Variants in PDE4B observed in about 807,000 individuals in gnomAD.
PDE4B encodes 3',5'-cyclic-AMP phosphodiesterase 4B.
A neutral mutation model predicts 82.2 loss-of-function variants in PDE4B; 20 were observed. That is an observed-to-expected ratio of 0.24 (90% CI 0.17 to 0.35). The LOEUF (loss-of-function observed/expected upper bound fraction) is 0.35, where lower values mean the gene tolerates loss of function less well. Among genes scored for constraint, PDE4B ranks in the 10% least tolerant of loss-of-function variants. PDE4B has a pLI of 1.00. For missense variants in PDE4B, 655 were observed against 907.2 expected (o/e 0.72, Z 3.57); for synonymous variants, 320 against 318.9 (o/e 1.00, Z -0.04).
At chr1:66,186,166 G>C (rs1312569957) in intron 3 of PDE4B, among the ~76,000 whole-genome samples, 5 of 152,128 alleles carry the variant, frequency 3.3e-5, no homozygotes, top group Admixed American at 2.0e-4. Context: ...CATTATTTCT[G>C]AGGGCTCTTT....
rs182763774 is a variant in PDE4B at position 66,049,912 on chromosome 1, G to A, written c.281+131077G>A. 1.0e-3 allele frequency among the ~76,000 whole-genome samples: 152 copies of A among 152,018 alleles called. 1 individual carries two copies. The East Asian group carries it at 0.012, about 12-fold the overall frequency. ...TTAGAGATGAAAAAAATGTATTTAC[G>A]TTTCCCACACAACTGCTAGGAATTA... On this transcript the variant is annotated intron_variant, in intron 3 of 16. Transcript: ENST00000341517.
intron 2 of PDE4B, among the ~76,000 whole-genome samples, chr1:65,914,916 A>G (rs887175163): frequency 2.0e-5 from 3 of 152,200 alleles, no homozygotes; most frequent in African/African-American, 7.2e-5. Flanking sequence ...GTGACTATTA[A>G]GTATTAGTCT....
intron 1 of PDE4B, among the ~76,000 whole-genome samples, chr1:65,804,887 ATT>A (rs1290766489): frequency 7.0e-6 from 1 of 142,268 alleles, no homozygotes; most frequent in African/African-American, 2.6e-5. Context: ...AAATTCCTTA[ATT>A]AATAGACTTT....
chr1:65,849,248 G>A (rs1646302247), intron 1 of PDE4B, among the ~76,000 whole-genome samples: 1 of 152,176 alleles, frequency 6.6e-6, no homozygotes, highest in Non-Finnish European at 1.5e-5. Context: ...GAACTCACTG[G>A]AGAGATACTC....
intron 3 of PDE4B, among the ~76,000 whole-genome samples, chr1:66,206,532 C>T (rs927127940): frequency 7.9e-5 from 12 of 152,144 alleles, no homozygotes. Flanking sequence ...TGTATTACTT[C>T]CTATTTTAAA....
intron 3 of PDE4B, among the ~76,000 whole-genome samples, chr1:66,078,461 C>A (rs527838416): frequency 2.0e-5 from 3 of 152,176 alleles, no homozygotes; most frequent in East Asian, 3.9e-4. Flanking sequence ...CTGCCCACCT[C>A]GGTCTCCCAA....
intron 3 of PDE4B, among the ~76,000 whole-genome samples, chr1:66,151,911 CTA>C (rs1646401710): frequency 6.6e-6 from 1 of 152,150 alleles, no homozygotes; most frequent in Non-Finnish European, 1.5e-5. Flanking sequence ...TTGTACTTCT[CTA>C]TGTTTCTTAT....
chr1:65,838,617 ATATATATGTGTG>A (rs1474816503), intron 1 of PDE4B, among the ~76,000 whole-genome samples: 7 of 148,858 alleles, frequency 4.7e-5, no homozygotes, highest in Non-Finnish European at 1.5e-5. Flanking sequence ...GTATATGTGT[ATATATATGTGTG>A]TATATATATA....
chr1:66,186,003 A>G (rs937838502), intron 3 of PDE4B, among the ~76,000 whole-genome samples: 3 of 152,138 alleles, frequency 2.0e-5, no homozygotes, highest in Non-Finnish European at 4.4e-5. Flanking sequence ...ATCTTGAATT[A>G]ATTTTTGTAT....
chr1:66,108,141 G>A (rs930367767), intron 3 of PDE4B, among the ~76,000 whole-genome samples: 18 of 151,972 alleles, frequency 1.2e-4, no homozygotes, highest in African/African-American at 3.6e-4. Context: ...TCATCAGGCT[G>A]TGCAATAGAT....
intron 3 of PDE4B, among the ~76,000 whole-genome samples, chr1:66,199,453 T>C (rs1235011580): frequency 6.6e-6 from 1 of 151,810 alleles, no homozygotes; most frequent in African/African-American, 2.4e-5. Context: ...CTTTTTTTGT[T>C]TTGTTTGTTT....
At chr1:66,061,230 G>A (rs747982695) in intron 3 of PDE4B, among the ~76,000 whole-genome samples, 2 of 149,348 alleles carry the variant, frequency 1.3e-5, no homozygotes, top group Non-Finnish European at 3.0e-5. Context: ...ATTAAATAAT[G>A]TGACTTCACA....
chr1:66,141,141 A>C (rs1570328190), intron 3 of PDE4B, among the ~76,000 whole-genome samples: 1 of 151,772 alleles, frequency 6.6e-6, no homozygotes, highest in South Asian at 2.1e-4. Context: ...TTTACTCTTC[A>C]ATCATTTATT....
chr1:65,871,441 C>A (rs1327682062), intron 1 of PDE4B, among the ~76,000 whole-genome samples: 1 of 152,184 alleles, frequency 6.6e-6, no homozygotes, highest in African/African-American at 2.4e-5. Flanking sequence ...CCCTTACTAG[C>A]TTTGGGACCC....
intron 3 of PDE4B, among the ~76,000 whole-genome samples, chr1:66,188,228 A>C (rs951005713): frequency 1.3e-5 from 2 of 151,948 alleles, no homozygotes; most frequent in African/African-American, 4.8e-5. Flanking sequence ...GTTCTTTTAC[A>C]TTTGTTGAGG....
intron 3 of PDE4B, among the ~76,000 whole-genome samples, chr1:66,061,499 G>A (rs1211166858): frequency 3.3e-5 from 5 of 152,004 alleles, no homozygotes; most frequent in East Asian, 1.9e-4. Flanking sequence ...AGAGAAGATC[G>A]AATCATAAAG....
intron 1 of PDE4B, among the ~76,000 whole-genome samples, chr1:65,803,450 T>C (rs1048421900): frequency 3.9e-5 from 6 of 152,190 alleles, no homozygotes; most frequent in African/African-American, 1.4e-4. Flanking sequence ...TTGAGTGTGG[T>C]CTTCAATACA....
In PDE4B at chr1:66,081,822, CTCTCTCTCTCTG is replaced by C. The variant is rs1478085255; in HGVS notation, c.281+162989_281+163000del. On this transcript the variant is annotated intron_variant, in intron 3 of 16. Coordinates refer to ENST00000341517, the MANE Select transcript of PDE4B (RefSeq NM_002600.4). ...GAAAAGTAAAACTCTCTCTCTCTCT[CTCTCTCTCTCTG>C]TGTGTGTGTGTGTGTGTGTGTGTGT... is the stretch of plus-strand genomic sequence containing the variant. Among the ~76,000 whole-genome samples the C allele has an allele frequency of 2.6e-4, 33 of 128,250 alleles. 1 individual carries two copies. The highest frequency in any genetic ancestry group is 2.5e-3 in the South Asian group (8 of 3,142). The allele number at this position is 128,250 out of a possible 152,430, so 84.1% of individuals were successfully genotyped here. A position where few individuals can be genotyped will look rare whatever the true frequency, so the allele number is the denominator to read the frequency against.
intron 1 of PDE4B, among the ~76,000 whole-genome samples, chr1:65,832,179 G>A (rs1024480602): frequency 6.6e-6 from 1 of 152,130 alleles, no homozygotes; most frequent in Non-Finnish European, 1.5e-5. Flanking sequence ...AAATTTTTAT[G>A]AAGATTCTGA....
Sources: allele counts gnomAD v4.1 joint callset (sites outside exome capture counted in the v4.1 genomes callset), GRCh38; gene constraint gnomAD v4.1.1; transcripts MANE v1.5; gene names NCBI Gene and HGNC (gene_info 2026-07-23, HGNC 2026-07-21).